Variants in KAZN observed in about 807,000 individuals in gnomAD.
The protein encoded by KAZN is kazrin.
Under a neutral mutation model 87.4 loss-of-function variants are expected in KAZN, and 40 were observed. The observed-to-expected ratio is 0.46, with a 90% CI of 0.36 to 0.60. The LOEUF is 0.60. Ranked by LOEUF, KAZN falls within the 20% of genes least tolerant of loss-of-function variation. The pLI is 0.00. For missense variants in KAZN, 898 were observed against 1,073.9 expected, an observed-to-expected ratio of 0.84 and a Z score of 2.29; for synonymous variants, 466 against 458.3, an observed-to-expected ratio of 1.02 and a Z score of -0.22.
At chr1:14,740,160 T>C (rs1041332537) in intron 1 of KAZN, among the ~76,000 whole-genome samples, 1 of 152,046 alleles carries the variant, frequency 6.6e-6, no homozygotes, top group African/African-American at 2.4e-5. Flanking sequence ...AGGAGGCAAA[T>C]TGGTCCCTCC....
chr1:14,365,370 G>C (rs1046578168), intron 2 of KAZN, among the ~76,000 whole-genome samples: 6 of 22,766 alleles, frequency 2.6e-4, no homozygotes, highest in Non-Finnish European at 4.7e-4. Flanking sequence ...CCCCGGGGTG[G>C]GGGGGGGGGG....
At chr1:14,435,102 G>T (rs796811384) in intron 2 of KAZN, among the ~76,000 whole-genome samples, 36 of 152,158 alleles carry the variant, frequency 2.4e-4, no homozygotes, top group African/African-American at 8.7e-4. Context: ...GCCAGTGCAG[G>T]TCCCTTGAGT....
chr1:14,883,341 A>AGGGAGGGAGGGAGG (rs1653582981), intron 1 of KAZN, among the ~76,000 whole-genome samples: 1 of 29,536 alleles, frequency 3.4e-5, no homozygotes, highest in African/African-American at 8.9e-5. Context: ...AGAGAGAGAG[A>AGGGAGGGAGGGAGG]GAAAGAAAGA....
Position 14,508,951 on chromosome 1 carries a change from G to A in KAZN, c.250-90032G>A, listed in dbSNP as rs16850401. Among the ~76,000 whole-genome samples, 1,472 of 152,332 alleles carry A rather than the reference G, an allele frequency of 9.7e-3. 25 individuals are homozygous for A. Among genetic ancestry groups the A allele is most frequent in the African/African-American group, 0.034 (1,393 of 41,562 alleles). On this transcript the variant is annotated intron_variant, in intron 2 of 16. Transcript: ENST00000636203. ...ATTGCTTGCCTGTTCTGTCCTGTAA[G>A]AAAGCAGAGACCACAGCACTGTGCA...
At chr1:14,116,630 C>A (rs1008318996) in intron 1 of KAZN, among the ~76,000 whole-genome samples, 3 of 152,208 alleles carry the variant, frequency 2.0e-5, no homozygotes, top group South Asian at 2.1e-4. Flanking sequence ...CAGAGCCCCC[C>A]ACATGGAGTC....
At chr1:14,235,056 G>A (rs1032465579) in intron 2 of KAZN, among the ~76,000 whole-genome samples, 7 of 152,132 alleles carry the variant, frequency 4.6e-5, no homozygotes, top group African/African-American at 4.8e-5. Context: ...AAAGAATTGC[G>A]GTGTATATCC....
chr1:14,716,197 A>C (rs1175695161), intron 1 of KAZN, among the ~76,000 whole-genome samples: 1 of 152,116 alleles, frequency 6.6e-6, no homozygotes, highest in African/African-American at 2.4e-5. Context: ...GTGTGTGTGC[A>C]TTGGAAGGGC....
At chr1:14,286,338 A>G (rs1267712769) in intron 2 of KAZN, among the ~76,000 whole-genome samples, 1 of 152,222 alleles carries the variant, frequency 6.6e-6, no homozygotes, top group Non-Finnish European at 1.5e-5. Context: ...ACCTCATGTT[A>G]AATTAATTAG....
chr1:14,444,600 AC>A (rs1399361563), intron 2 of KAZN, among the ~76,000 whole-genome samples: 2 of 152,108 alleles, frequency 1.3e-5, no homozygotes, highest in East Asian at 3.9e-4. Context: ...GGCGTGAGCC[AC>A]CGCGTCCGGC....
chr1:15,100,529 G>T (rs531994645), intron 10 of KAZN, among the ~76,000 whole-genome samples: 1 of 152,184 alleles, frequency 6.6e-6, no homozygotes, highest in Non-Finnish European at 1.5e-5. Flanking sequence ...GGTGATCCTC[G>T]TTCCTTCTGC....
At chr1:14,488,128 G>A (rs1669446306) in intron 2 of KAZN, among the ~76,000 whole-genome samples, 1 of 152,210 alleles carries the variant, frequency 6.6e-6, no homozygotes, top group African/African-American at 2.4e-5. Flanking sequence ...AGTCTTTGCA[G>A]AAGAAACCTG....
intron 2 of KAZN, among the ~76,000 whole-genome samples, chr1:14,281,780 C>G (rs989829985): frequency 2.0e-5 from 3 of 152,208 alleles, no homozygotes; most frequent in African/African-American, 7.2e-5. Context: ...ACCCTGCTTC[C>G]TACTGTCACT....
At chr1:14,301,214 A>G (rs1654527815) in intron 2 of KAZN, among the ~76,000 whole-genome samples, 1 of 151,998 alleles carries the variant, frequency 6.6e-6, no homozygotes, top group South Asian at 2.1e-4. Flanking sequence ...CCAAGAAGAC[A>G]CTCCTTGGAA....
intron 8 of KAZN, among the ~76,000 whole-genome samples, chr1:15,076,883 C>T (rs1639784133): frequency 6.6e-6 from 1 of 152,246 alleles, no homozygotes; most frequent in African/African-American, 2.4e-5. Context: ...CAAGGACCCA[C>T]CTTGTGGGCT....
chr1:14,268,153 C>T (rs982952285), intron 2 of KAZN, among the ~76,000 whole-genome samples: 3 of 152,124 alleles, frequency 2.0e-5, no homozygotes, highest in Non-Finnish European at 4.4e-5. Context: ...TAGTAGACAC[C>T]TTGAGGTTAG....
At chr1:14,922,791 CA>C (rs35903866) in intron 1 of KAZN, among the ~76,000 whole-genome samples, 1,788 of 75,520 alleles carry the variant, frequency 0.024, 27 homozygotes, top group African/African-American at 0.073. Context: ...GACTCTGTCT[CA>C]AAAAAAAAAA....
chr1:14,641,487 C>T (rs575888085), intron 1 of KAZN, among the ~76,000 whole-genome samples: 1 of 152,332 alleles, frequency 6.6e-6, no homozygotes, highest in Admixed American at 6.5e-5. Context: ...AGCCCTCAAG[C>T]ACACGATGAC....
In KAZN at chr1:14,426,588, G is replaced by A. The variant is rs560560811; in HGVS notation, c.250-172395G>A. On this transcript the variant is annotated intron_variant, in intron 2 of 16. Coordinates refer to the KAZN transcript ENST00000636203. The stretch of plus-strand genomic sequence containing the variant: ...TCCATGGAACATCAGTGATACTTTG[G>A]TACCCAAAAACCATCTTGTGGCCAC... Among the ~76,000 whole-genome samples the A allele has an allele frequency of 9.0e-4, 137 of 152,150 alleles. 2 individuals are homozygous for A. The highest frequency in any genetic ancestry group is 7.3e-3 in the South Asian group (35 of 4,806).
intron 1 of KAZN, among the ~76,000 whole-genome samples, chr1:14,096,770 GA>G (rs1570729355): frequency 6.6e-6 from 1 of 152,176 alleles, no homozygotes; most frequent in African/African-American, 2.4e-5. Context: ...ATTGCCTGGG[GA>G]GTTTGTTCAA....
Sources: gnomAD v4.1 joint callset for allele counts (sites outside exome capture counted in the v4.1 genomes callset) on GRCh38, gnomAD v4.1.1 for gene constraint, MANE v1.5 for transcripts, NCBI Gene and HGNC (gene_info 2026-07-23, HGNC 2026-07-21) for gene names.